Variants in ESR1 observed in about 807,000 individuals in gnomAD.
The protein encoded by ESR1 is estrogen receptor.
ESR1 carries 12 observed loss-of-function variants against 52.7 expected under a neutral mutation model. The ratio of observed to expected loss-of-function variants is 0.23; its 90% confidence interval spans 0.15 to 0.37. The LOEUF is 0.37. Among genes scored for constraint, ESR1 ranks in the 10% least tolerant of loss-of-function variants. The pLI is 1.00. For synonymous variants in ESR1, 305 were observed against 316.8 expected, an observed-to-expected ratio of 0.96 and a Z score of 0.39; for missense variants, 584 against 779.7, an observed-to-expected ratio of 0.75 and a Z score of 2.99.
chr6:152,072,650 C>T (rs2048443566), intron 6 of ESR1, among the ~76,000 whole-genome samples: 1 of 152,194 alleles, frequency 6.6e-6, no homozygotes, highest in Non-Finnish European at 1.5e-5. Context: ...TGTCTACTCT[C>T]CAGATTCTCT....
intron 6 of ESR1, among the ~76,000 whole-genome samples, chr6:152,072,048 G>A (rs2048391655): frequency 1.3e-5 from 2 of 151,542 alleles, no homozygotes; most frequent in South Asian, 4.2e-4. Context: ...CGGGCCATGA[G>A]ACAGAGGAGA....
At chr6:151,846,559 A>T (rs1274202259) in intron 2 of ESR1, among the ~76,000 whole-genome samples, 1 of 152,192 alleles carries the variant, frequency 6.6e-6, no homozygotes, top group Non-Finnish European at 1.5e-5. Context: ...TTTCCTTGTT[A>T]CTTAAGAAGA....
In ESR1 at chr6:151,905,498, A is replaced by C. The variant is rs551903789; in HGVS notation, c.760+24727A>C. Among the ~76,000 whole-genome samples the C allele has an allele frequency of 3.3e-5, 5 of 152,332 alleles. No individual in the cohort carries two copies. In the East Asian group the frequency reaches 9.6e-4, roughly 29 times the overall value. Reference sequence around the variant, plus strand: ...AACTGATAGACCTAACAATAGAAAAAAATCGATTTAAATTCAGAGAAGAGG... The same window carrying C: ...AACTGATAGACCTAACAATAGAAAACAATCGATTTAAATTCAGAGAAGAGG... On this transcript the variant is annotated intron_variant, in intron 3 of 7. Transcript: ENST00000206249.
intron 2 of ESR1, among the ~76,000 whole-genome samples, chr6:151,863,137 G>A (rs1789200141): frequency 6.6e-6 from 1 of 152,092 alleles, no homozygotes; most frequent in African/African-American, 2.4e-5. Flanking sequence ...TTGGCAATGC[G>A]GGCTCTTTTT....
chr6:151,943,406 C>CA (rs139828703), intron 3 of ESR1, among the ~76,000 whole-genome samples: 556 of 143,870 alleles, frequency 3.9e-3, no homozygotes, highest in Non-Finnish European at 5.3e-3. Context: ...AAAACAAAAA[C>CA]AAAAAAAAAA....
intron 4 of ESR1, among the ~76,000 whole-genome samples, chr6:151,960,255 C>T (rs1393148413): frequency 6.6e-6 from 1 of 152,190 alleles, no homozygotes; most frequent in Non-Finnish European, 1.5e-5. Context: ...AGCCCTGCCT[C>T]CCCGGTGCTT....
intron 1 of ESR1, among the ~76,000 whole-genome samples, chr6:151,696,388 C>T (rs904802807): frequency 2.0e-5 from 3 of 151,932 alleles, no homozygotes; most frequent in African/African-American, 7.3e-5. Flanking sequence ...AGGAGATTCG[C>T]TTGAACCTGG....
At chr6:151,809,236 G>A in intron 1 of ESR1, 1 of 437,800 alleles carries the variant, frequency 2.3e-6, no homozygotes, top group Non-Finnish European at 4.9e-6. Context: ...GCCGGTCCAG[G>A]ACACAGGAGA....
intron 6 of ESR1, among the ~76,000 whole-genome samples, chr6:152,115,900 G>T (rs1260425958): frequency 6.6e-6 from 1 of 152,102 alleles, no homozygotes; most frequent in Non-Finnish European, 1.5e-5. Flanking sequence ...CCTGGGAATC[G>T]CCTGGGGACC....
At chr6:151,808,524 G>T (rs1000636215) in intron 1 of ESR1, among the ~76,000 whole-genome samples, 160 bp downstream of exon 1, 7 of 152,230 alleles carry the variant, frequency 4.6e-5, no homozygotes, top group Admixed American at 1.3e-4. Context: ...CAGCCCGGGG[G>T]TTCTGCGTGC....
chr6:151,964,528 A>C (rs2038036027), intron 4 of ESR1, among the ~76,000 whole-genome samples: 1 of 152,236 alleles, frequency 6.6e-6, no homozygotes, highest in South Asian at 2.1e-4. Flanking sequence ...TGTATGCTTC[A>C]ACTTTACTGC....
chr6:151,718,818 T>G (rs1781243490), intron 2 of ESR1, among the ~76,000 whole-genome samples: 1 of 152,178 alleles, frequency 6.6e-6, no homozygotes, highest in African/African-American at 2.4e-5. Flanking sequence ...CTCCCTGTTT[T>G]CAGATGAGTG....
intron 2 of ESR1, among the ~76,000 whole-genome samples, chr6:151,851,259 C>G (rs1786645057): frequency 6.6e-6 from 1 of 152,150 alleles, no homozygotes; most frequent in Non-Finnish European, 1.5e-5. Flanking sequence ...GAACCCTAAT[C>G]AAAAGTGACT....
chr6:152,028,351 C>T (rs574056528), intron 5 of ESR1, among the ~76,000 whole-genome samples: 1 of 152,262 alleles, frequency 6.6e-6, no homozygotes, highest in Non-Finnish European at 1.5e-5. Context: ...CGAGGCATCG[C>T]CTCACCTGGG....
At chr6:151,983,946 A>G (rs2040219354) in intron 4 of ESR1, 2 of 152,114 alleles carry the variant, frequency 1.3e-5, no homozygotes, top group African/African-American at 4.8e-5. Context: ...AGTCCCTGGT[A>G]AGGATCAAGT....
At chr6:151,894,950 G>C (rs1028624615) in intron 3 of ESR1, among the ~76,000 whole-genome samples, 5 of 151,994 alleles carry the variant, frequency 3.3e-5, no homozygotes, top group African/African-American at 1.2e-4. Flanking sequence ...GATGGGAATT[G>C]CATTGAAGTT....
At chr6:151,741,149 C>T (rs543828876) in intron 2 of ESR1, among the ~76,000 whole-genome samples, 44 of 152,156 alleles carry the variant, frequency 2.9e-4, no homozygotes, top group Non-Finnish European at 4.7e-4. Context: ...CCTTTGTGCC[C>T]TGATGATAAT....
chr6:151,663,799 A>G (rs563871099), intron 1 of ESR1, among the ~76,000 whole-genome samples: 1 of 152,346 alleles, frequency 6.6e-6, no homozygotes, highest in South Asian at 2.1e-4. Flanking sequence ...TTTTATGGCT[A>G]TGGTATAAAA....
intron 4 of ESR1, among the ~76,000 whole-genome samples, chr6:151,952,504 C>G (rs1190433350): frequency 2.0e-5 from 3 of 152,158 alleles, no homozygotes; most frequent in African/African-American, 7.2e-5. Flanking sequence ...CCCATTTTTT[C>G]TCCTAATGAG....
Sources: allele counts gnomAD v4.1 joint callset (sites outside exome capture counted in the v4.1 genomes callset), GRCh38; gene constraint gnomAD v4.1.1; transcripts MANE v1.5; gene names NCBI Gene and HGNC (gene_info 2026-07-23, HGNC 2026-07-21).